The following SEZ6L variants were observed in gnomAD, a reference collection of about 807,000 sequenced individuals.
SEZ6L encodes the protein seizure related 6 homolog like.
A neutral mutation model predicts 106.2 loss-of-function variants in SEZ6L; 37 were observed. That is an observed-to-expected ratio of 0.35 (90% confidence interval 0.27 to 0.46). The LOEUF (loss-of-function observed/expected upper bound fraction) is 0.46. SEZ6L is among the 20% of genes least tolerant of loss of function. The probability of loss-of-function intolerance (pLI) is 1.00; values close to 1 mark genes in which losing one functional copy is unlikely to be tolerated. For missense variants in SEZ6L, 1,172 were observed against 1,332.8 expected (o/e 0.88, Z 1.88); for synonymous variants, 541 against 570.4 (o/e 0.95, Z 0.73).
At chr22:26,350,952 G>A (rs1170698949) in intron 11 of SEZ6L, 100 bp from the exon 12 acceptor site, 16 of 1,315,570 alleles carry the variant, frequency 1.2e-5, no homozygotes, top group East Asian at 7.4e-5. Context: ...CACCGCACCC[G>A]GCCAAGTTAG....
chr22:26,365,238 C>T, intron 12 of SEZ6L, 134 bp from the exon 13 acceptor site: 1 of 677,176 alleles, frequency 1.5e-6, no homozygotes, highest in Non-Finnish European at 2.5e-6. Flanking sequence ...AAATAGAAAA[C>T]AGTCTGATGC....
chr22:26,311,637 A>G, intron 7 of SEZ6L, 131 bp from the exon 8 acceptor site: 1 of 805,772 alleles, frequency 1.2e-6, no homozygotes. Flanking sequence ...AGCTGGAACC[A>G]GGACACGTAA....
At chr22:26,239,172 CAT>C (rs1421226979) in intron 1 of SEZ6L, among the ~76,000 whole-genome samples, 10 of 152,166 alleles carry the variant, frequency 6.6e-5, no homozygotes, top group Admixed American at 6.5e-4. Flanking sequence ...TGCAGTGAGC[CAT>C]GATCGGGCCA....
intron 12 of SEZ6L, 86 bp downstream of exon 12, chr22:26,351,329 G>A (rs2083271309): frequency 7.8e-7 from 1 of 1,288,642 alleles, no homozygotes; most frequent in Non-Finnish European, 1.1e-6. Context: ...GGGCTGCTAG[G>A]AGGCCTTCTG....
chr22:26,228,858 G>A (rs1011148812), intron 1 of SEZ6L, among the ~76,000 whole-genome samples: 1 of 152,150 alleles, frequency 6.6e-6, no homozygotes, highest in African/African-American at 2.4e-5. Flanking sequence ...TACTGTGCTC[G>A]CCTCCTCAAG....
chr22:26,335,803 T>G (rs1027092075), intron 9 of SEZ6L, among the ~76,000 whole-genome samples: 3 of 152,138 alleles, frequency 2.0e-5, no homozygotes, highest in Non-Finnish European at 4.4e-5. Context: ...TATCATTTCT[T>G]TTGGTGAGCA....
At chr22:26,233,072 C>G (rs932590408) in intron 1 of SEZ6L, among the ~76,000 whole-genome samples, 1 of 152,232 alleles carries the variant, frequency 6.6e-6, no homozygotes, top group African/African-American at 2.4e-5. Context: ...CATTCAAAAC[C>G]CGAAGACCAT....
chr22:26,340,518 A>G lies in SEZ6L; in HGVS notation c.2098A>G (p.Asn700Asp), dbSNP rs771044075. ...CCACATCTTGGGGCAGTACCTTGGG[A>G]ACAGTGGCCCCCAGAAACTGTACTC... ...MPHILGQYLGNSGPQKLYSST... is the reference protein window; with the variant it reads ...MPHILGQYLGDSGPQKLYSST... The change falls in exon 10 of 17, where the codon AAC (asparagine) becomes GAC (aspartate). Residue 700 changes from asparagine to aspartate, a missense_variant. Around this residue, in one of 4 missense-constraint regions of SEZ6L, gnomAD observed 534 missense variants for 691.0 expected, o/e 0.77. Coordinates refer to ENST00000248933, the MANE Select transcript of SEZ6L (RefSeq NM_021115.5). The G allele has an allele frequency of 6.2e-7, 1 of 1,614,132 alleles. No individual in the cohort carries two copies. The highest frequency in any genetic ancestry group is 1.1e-5 in the South Asian group (1 of 91,078).
chr22:26,267,169 T>C (rs2080218107), intron 1 of SEZ6L, among the ~76,000 whole-genome samples: 1 of 152,226 alleles, frequency 6.6e-6, no homozygotes, highest in Non-Finnish European at 1.5e-5. Context: ...GGTGCTCTCA[T>C]ACCCATTTCA....
At chr22:26,207,162 G>T (rs28503768) in intron 1 of SEZ6L, among the ~76,000 whole-genome samples, 2,103 of 152,222 alleles carry the variant, frequency 0.014, 49 homozygotes, top group African/African-American at 0.048. Context: ...GTTTTGTTTT[G>T]TTTTCAAGTC....
chr22:26,248,925 C>A (rs992166647), intron 1 of SEZ6L, among the ~76,000 whole-genome samples: 1 of 141,828 alleles, frequency 7.1e-6, no homozygotes, highest in Non-Finnish European at 1.6e-5. Context: ...CATTTCTTTT[C>A]TTTTTTCTCC....
chr22:26,362,695 G>A (rs1158606141), intron 12 of SEZ6L, among the ~76,000 whole-genome samples: 1 of 152,174 alleles, frequency 6.6e-6, no homozygotes, highest in Non-Finnish European at 1.5e-5. Flanking sequence ...GCCCGCCAGA[G>A]CTATCTATGG....
At position 26,259,021 on chromosome 22, in the gene SEZ6L, G is replaced by A. The variant is rs117620356; in HGVS notation, c.95-33385G>A. 2.3e-3 allele frequency among the ~76,000 whole-genome samples: 349 copies of A among 152,328 alleles called. 2 individuals carry two copies. Among genetic ancestry groups the A allele is most frequent in the Non-Finnish European group, 3.8e-3 (260 of 68,036 alleles). ...AGAGAAGATATTAGTTTGGGCCAGT[G>A]GGCATGGCCCAATGGAGGTAAAGGA... On this transcript the variant is annotated intron_variant, in intron 1 of 16. Transcript: ENST00000248933.
At chr22:26,238,581 AAAT>A (rs753100318) in intron 1 of SEZ6L, among the ~76,000 whole-genome samples, 37 of 152,374 alleles carry the variant, frequency 2.4e-4, no homozygotes, top group Non-Finnish European at 5.3e-4. Context: ...GAAAGTACAT[AAAT>A]AATAACAGCT....
At chr22:26,176,107 C>T (rs1256503109) in intron 1 of SEZ6L, among the ~76,000 whole-genome samples, 3 of 152,198 alleles carry the variant, frequency 2.0e-5, no homozygotes, top group Admixed American at 6.5e-5. Context: ...CCTGTATTCA[C>T]GTATTTGATC....
chr22:26,375,865 T>C (rs867503880), intron 15 of SEZ6L, among the ~76,000 whole-genome samples, 176 bp downstream of exon 15: 12 of 152,190 alleles, frequency 7.9e-5, no homozygotes, highest in Admixed American at 1.3e-4. Flanking sequence ...AATATTTACA[T>C]TGGGCAATTA....
intron 1 of SEZ6L, among the ~76,000 whole-genome samples, chr22:26,273,412 C>A (rs2080435772): frequency 6.6e-6 from 1 of 152,266 alleles, no homozygotes; most frequent in South Asian, 2.1e-4. Context: ...AAGCCCCAAA[C>A]CCAGCACCTG....
chr22:26,337,522 C>T (rs769118734), intron 9 of SEZ6L, among the ~76,000 whole-genome samples: 1 of 152,180 alleles, frequency 6.6e-6, no homozygotes, highest in Non-Finnish European at 1.5e-5. Flanking sequence ...GAGGCCCTCC[C>T]CTACTACAGG....
chr22:26,218,692 T>C (rs748179336), intron 1 of SEZ6L, among the ~76,000 whole-genome samples: 2 of 151,738 alleles, frequency 1.3e-5, no homozygotes, highest in Non-Finnish European at 2.9e-5. Flanking sequence ...AACCCAGCAC[T>C]TTGGGAGGCC....
Sources: gnomAD v4.1 joint callset for allele counts (sites outside exome capture counted in the v4.1 genomes callset) on GRCh38, gnomAD v4.1.1 for gene constraint, gnomAD v4.1.1 regional missense constraint, MANE v1.5 for transcripts, NCBI Gene and HGNC (gene_info 2026-07-23, HGNC 2026-07-21) for gene names.